Variants in CSMD2 observed in about 807,000 individuals in gnomAD.
CSMD2 encodes CUB and sushi domain-containing protein 2.
In CSMD2, 130 loss-of-function variants were observed where a neutral mutation model predicts 398.5. The ratio of observed to expected loss-of-function variants is 0.33; its 90% CI spans 0.28 to 0.38. CSMD2 has a LOEUF of 0.38. Among genes scored for constraint, CSMD2 ranks in the 10% least tolerant of loss-of-function variants. CSMD2 has a pLI of 1.00. For synonymous variants in CSMD2, 1,828 were observed against 1,908.5 expected (o/e 0.96, Z 1.10); for missense variants, 3,829 against 4,764.9 (o/e 0.80, Z 5.78).
At chr1:33,702,086 G>C (rs1361521259) in intron 22 of CSMD2, among the ~76,000 whole-genome samples, 1 of 152,162 alleles carries the variant, frequency 6.6e-6, no homozygotes, top group African/African-American at 2.4e-5. Flanking sequence ...TACCCTGTGA[G>C]TGCATTCAGC....
chr1:33,703,113 A>C (rs950357876), intron 22 of CSMD2, among the ~76,000 whole-genome samples: 1 of 152,298 alleles, frequency 6.6e-6, no homozygotes, highest in Non-Finnish European at 1.5e-5. Flanking sequence ...ATATTTAAAT[A>C]ATTAGTAGGA....
chr1:33,577,272 A>AC, intron 49 of CSMD2, 24 bp downstream of exon 49: 2 of 1,577,938 alleles, frequency 1.3e-6, no homozygotes, highest in Non-Finnish European at 1.7e-6. Flanking sequence ...CTACCTTGTG[A>AC]CCCCCTTTCC....
At chr1:33,877,358 C>T (rs1640910115) in intron 5 of CSMD2, among the ~76,000 whole-genome samples, 1 of 152,198 alleles carries the variant, frequency 6.6e-6, no homozygotes, top group Non-Finnish European at 1.5e-5. Context: ...CCCTCCAGTC[C>T]TTGTCCCACT....
At chr1:33,943,661 T>C (rs1570583493) in intron 3 of CSMD2, among the ~76,000 whole-genome samples, 1 of 152,200 alleles carries the variant, frequency 6.6e-6, no homozygotes, top group Non-Finnish European at 1.5e-5. Context: ...CACTTTGTTG[T>C]ACATTGTAAT....
At chr1:33,703,697 G>A (rs1645685182) in intron 22 of CSMD2, among the ~76,000 whole-genome samples, 1 of 152,206 alleles carries the variant, frequency 6.6e-6, no homozygotes, top group African/African-American at 2.4e-5. Flanking sequence ...CATACATCTA[G>A]CATGGAAAAG....
Position 33,693,003 on chromosome 1 carries a change from C to T in CSMD2, c.3979G>A (p.Gly1327Arg), listed in dbSNP as rs973556782. Residue 1327 changes from glycine to arginine, a missense_variant, in exon 25 of 71, where the codon GGG becomes AGG. Coordinates refer to ENST00000373381, the MANE Select transcript of CSMD2 (RefSeq NM_001281956.2). ...GEVSGQVLSP[G>R]YPAPYEHNLN... ...TTGTGTTCATAGGGAGCTGGATACC[C>T]GGGTGACAGCACCTGCCCCGACACC... 12 of 1,604,628 alleles carry T rather than the reference C, an allele frequency of 7.5e-6. No individual in the cohort carries two copies. The South Asian group carries it at 7.8e-5, about 10-fold the overall frequency.
chr1:34,090,706 T>G (rs1658464806), intron 1 of CSMD2, among the ~76,000 whole-genome samples: 1 of 152,174 alleles, frequency 6.6e-6, no homozygotes, highest in Admixed American at 6.5e-5. Flanking sequence ...ACTGCCGTAT[T>G]AACTCCTAAC....
chr1:33,518,622 G>A lies in CSMD2; in HGVS notation c.*53+843C>T, dbSNP rs1378742222. Among the ~76,000 whole-genome samples the A allele has an allele frequency of 6.6e-6, 1 of 152,126 alleles. No individual in the cohort carries two copies. Among genetic ancestry groups the A allele is most frequent in the Non-Finnish European group, 1.5e-5 (1 of 68,032 alleles). On this transcript the variant is annotated intron_variant, in intron 70 of 70. Transcript: ENST00000373381. This position sits in a 1 kb window ranked among gnomAD's most constrained non-coding sequence, Gnocchi z 4.3. ...TCAGTAGACTTTGAGTCTCCATAATGTGTGTGGGCCTCGTTCAATCAGCTG... is the reference window on the plus strand; with the variant it reads ...TCAGTAGACTTTGAGTCTCCATAATATGTGTGGGCCTCGTTCAATCAGCTG...
intron 3 of CSMD2, among the ~76,000 whole-genome samples, chr1:34,018,147 T>C (rs1452567529): frequency 2.6e-5 from 4 of 152,250 alleles, no homozygotes; most frequent in Admixed American, 6.5e-5. Flanking sequence ...GTAATAAATA[T>C]GAAGAATCCA....
chr1:33,740,415 T>C (rs924143275), intron 14 of CSMD2, among the ~76,000 whole-genome samples: 1 of 152,198 alleles, frequency 6.6e-6, no homozygotes, highest in African/African-American at 2.4e-5. Flanking sequence ...AAAAAATTTC[T>C]TGGCCTCTGA....
intron 5 of CSMD2, among the ~76,000 whole-genome samples, chr1:33,881,529 G>A (rs986824381): frequency 2.5e-4 from 38 of 152,088 alleles, no homozygotes; most frequent in African/African-American, 9.2e-4. Flanking sequence ...ATGCCAAGCA[G>A]CGTGGGGTAG....
chr1:34,062,318 T>C (rs1451704622), intron 2 of CSMD2, among the ~76,000 whole-genome samples: 1 of 152,296 alleles, frequency 6.6e-6, no homozygotes. Context: ...CTTCAACTAT[T>C]TTTATTACCA....
In CSMD2 at chr1:33,738,877, A is replaced by G. The variant is rs577010779; in HGVS notation, c.2368+263T>C. 2.0e-5 allele frequency among the ~76,000 whole-genome samples: 3 copies of G among 152,308 alleles called. No homozygotes were observed. In the South Asian group the frequency reaches 6.2e-4, roughly 32 times the overall value. On this transcript the variant is annotated intron_variant, in intron 15 of 70. Coordinates refer to ENST00000373381, the MANE Select transcript of CSMD2 (RefSeq NM_001281956.2). ...GGCTGTGATACCGAAGAGAGTTCTCATTTGAAAGAAGAGGTGCTTTTGATG... is the reference window on the plus strand; with the variant it reads ...GGCTGTGATACCGAAGAGAGTTCTCGTTTGAAAGAAGAGGTGCTTTTGATG...
chr1:34,165,179 T>C lies in CSMD2; in HGVS notation c.-82A>G. On this transcript the variant is annotated 5_prime_UTR_variant, in exon 1 of 71. Transcript: ENST00000373381. ...TCAGGAGAGCTCTGGAGCTTTTTTC[T>C]GCTCGGAAAAAATCCCGGTACGCGG... The C allele has an allele frequency of 3.4e-6, 4 of 1,184,202 alleles. No homozygotes were observed. Among genetic ancestry groups the C allele is most frequent in the Non-Finnish European group, 4.2e-6 (4 of 957,442 alleles). The allele number at this position is 1,184,202 out of a possible 1,614,324, so 73.4% of individuals were successfully genotyped here.
chr1:33,837,606 G>A (rs1660436524), intron 6 of CSMD2, among the ~76,000 whole-genome samples: 1 of 152,156 alleles, frequency 6.6e-6, no homozygotes, highest in African/African-American at 2.4e-5. Context: ...ATGCATACAT[G>A]CACATTTCTG....
intron 6 of CSMD2, among the ~76,000 whole-genome samples, chr1:33,836,339 G>A (rs560263479): frequency 3.9e-5 from 6 of 152,270 alleles, no homozygotes; most frequent in Non-Finnish European, 5.9e-5. Context: ...CAGTCTGCCC[G>A]CTCTCAGATC....
At chr1:33,732,413 T>C (rs1333190171) in intron 15 of CSMD2, among the ~76,000 whole-genome samples, 1 of 152,090 alleles carries the variant, frequency 6.6e-6, no homozygotes, top group African/African-American at 2.4e-5. Context: ...TAAGGTTAAA[T>C]GAGGTCATGA....
intron 5 of CSMD2, chr1:33,878,457 T>A (rs1261405336): frequency 6.6e-6 from 1 of 152,234 alleles, no homozygotes; most frequent in Non-Finnish European, 1.5e-5. Context: ...CAGCTGCCCC[T>A]CACCTCCCTA....
chr1:34,099,775 G>T (rs1236884012), intron 1 of CSMD2, among the ~76,000 whole-genome samples: 3 of 152,224 alleles, frequency 2.0e-5, no homozygotes, highest in Non-Finnish European at 2.9e-5. Context: ...TGTCTAAATA[G>T]TCCCTCTGGA....
Sources: allele counts gnomAD v4.1 joint callset (sites outside exome capture counted in the v4.1 genomes callset), GRCh38; gene constraint gnomAD v4.1.1; non-coding constraint Gnocchi (gnomAD v3.1); transcripts MANE v1.5; gene names NCBI Gene and HGNC (gene_info 2026-07-23, HGNC 2026-07-21).